The following FARP1 variants were observed in gnomAD, a reference collection of about 807,000 sequenced individuals.
FARP1 encodes FERM, ARHGEF and pleckstrin domain-containing protein 1.
A neutral mutation model predicts 128.8 loss-of-function variants in FARP1; 52 were observed. That is an observed-to-expected ratio of 0.40 (90% CI 0.32 to 0.51). FARP1 has a LOEUF of 0.51. FARP1 is among the 20% of genes least tolerant of loss of function. FARP1 has a pLI of 0.45. For synonymous variants in FARP1, 580 were observed against 551.8 expected, an observed-to-expected ratio of 1.05 and a Z score of -0.72; for missense variants, 1,333 against 1,367.9, an observed-to-expected ratio of 0.97 and a Z score of 0.40.
chr13:98,421,122 T>C (rs1030217595), intron 16 of FARP1, among the ~76,000 whole-genome samples: 13 of 152,344 alleles, frequency 8.5e-5, no homozygotes, highest in African/African-American at 3.1e-4. Flanking sequence ...AATTAGGGAT[T>C]TGCATCTTCC....
chr13:98,210,916 A>T (rs1880666031), intron 1 of FARP1, among the ~76,000 whole-genome samples: 1 of 152,152 alleles, frequency 6.6e-6, no homozygotes, highest in African/African-American at 2.4e-5. Flanking sequence ...TTTCCACAGA[A>T]GTAGATTTTA....
intron 3 of FARP1, among the ~76,000 whole-genome samples, chr13:98,350,336 T>G (rs79649016): frequency 0.037 from 5,569 of 152,244 alleles, 360 homozygotes; most frequent in African/African-American, 0.13. Context: ...ATATTTGTAT[T>G]GCAGTTTTAA....
At chr13:98,356,148 C>T (rs1176406519) in intron 3 of FARP1, among the ~76,000 whole-genome samples, 1 of 152,174 alleles carries the variant, frequency 6.6e-6, no homozygotes, top group Non-Finnish European at 1.5e-5. Context: ...TTTCTGCCTA[C>T]ATACTAATAT....
chr13:98,437,557 G>A (rs1892323387), intron 19 of FARP1, among the ~76,000 whole-genome samples: 2 of 152,176 alleles, frequency 1.3e-5, no homozygotes, highest in Non-Finnish European at 2.9e-5. Context: ...TGTCTGTGCT[G>A]TGTGCCCAGG....
At chr13:98,341,818 G>A (rs558732241) in intron 2 of FARP1, among the ~76,000 whole-genome samples, 2 of 152,276 alleles carry the variant, frequency 1.3e-5, no homozygotes, top group East Asian at 1.9e-4. Context: ...AGGGTAGAAC[G>A]TGGGTTCTTA....
intron 16 of FARP1, among the ~76,000 whole-genome samples, chr13:98,413,155 A>G (rs371721789): frequency 2.0e-5 from 3 of 152,288 alleles, no homozygotes; most frequent in East Asian, 1.9e-4. Context: ...TACATTTTTT[A>G]TACCTGGAGG....
rs1288527336 is a variant in FARP1, at chr13:98,246,330, C to T, written c.171+32917C>T. Among the ~76,000 whole-genome samples the T allele has an allele frequency of 1.8e-4, 7 of 39,882 alleles. No individual in the cohort carries two copies. In the South Asian group the frequency reaches 8.3e-3, roughly 47 times the overall value. The allele number at this position is 39,882 out of a possible 152,430, so 26.2% of individuals were successfully genotyped here. ...CAGGATGGTCTCGATCTCCTGACCT[C>T]GTGATCCCCGCCTCGGCCTCCCAAA... On this transcript the variant is annotated intron_variant, in intron 2 of 26. Transcript: ENST00000319562.
intron 26 of FARP1, 86 bp from the exon 27 acceptor site, chr13:98,448,150 C>T (rs2139190016): frequency 1.7e-6 from 2 of 1,178,698 alleles, no homozygotes; most frequent in East Asian, 2.3e-5. Context: ...CCTGACTTCA[C>T]CTTGTGTTTC....
intron 13 of FARP1, chr13:98,396,729 T>C (rs1890563847): frequency 5.4e-6 from 2 of 370,020 alleles, no homozygotes; most frequent in Admixed American, 9.2e-5. Flanking sequence ...CAAGTCCTAA[T>C]GACAAGTTCT....
rs1311365373 is a variant in FARP1 at position 98,389,994 on chromosome 13, G to T, written c.893G>T (p.Ser298Ile). 1 of 1,614,188 alleles carries T rather than the reference G, an allele frequency of 6.2e-7. No individual in the cohort carries two copies. The highest frequency in any genetic ancestry group is 1.3e-5 in the African/African-American group (1 of 75,052). ...YQDTLEFLMA[S>I]RDFCKSFWKI... ...GATACCTTGGAATTCCTGATGGCCA[G>T]TCGGGATTTCTGCAAGTCCTTCTGG... Residue 298 changes from serine (S) to isoleucine (I), a missense_variant, in exon 10 of 27, where the codon AGT becomes ATT. By Grantham distance (142) the Ser-to-Ile change is moderately radical. Around this residue, in one of 2 missense-constraint regions of FARP1, gnomAD observed 324 missense variants for 398.1 expected, o/e 0.81. Coordinates refer to ENST00000319562, the MANE Select transcript of FARP1 (RefSeq NM_005766.4).
chr13:98,161,681 G>A (rs1199521288), intron 1 of FARP1, among the ~76,000 whole-genome samples: 1 of 152,136 alleles, frequency 6.6e-6, no homozygotes, highest in Non-Finnish European at 1.5e-5. Flanking sequence ...CCCAGAATGT[G>A]TATAGAAGGC....
chr13:98,154,302 C>T (rs945790573), intron 1 of FARP1, among the ~76,000 whole-genome samples: 1 of 152,152 alleles, frequency 6.6e-6, no homozygotes, highest in Admixed American at 6.5e-5. Context: ...GAAGTGAAAT[C>T]CTTGTCAGCA....
At chr13:98,383,423 C>T (rs754768583) in intron 6 of FARP1, among the ~76,000 whole-genome samples, 71 of 152,128 alleles carry the variant, frequency 4.7e-4, no homozygotes, top group Non-Finnish European at 5.9e-4. Flanking sequence ...TCCAGTGCAC[C>T]GGCTGCTGCC....
intron 3 of FARP1, among the ~76,000 whole-genome samples, chr13:98,358,048 A>T (rs1443208902): frequency 2.0e-5 from 3 of 150,202 alleles, no homozygotes; most frequent in Non-Finnish European, 4.4e-5. Flanking sequence ...AGCACTAGGC[A>T]CTGTTACCTC....
intron 2 of FARP1, among the ~76,000 whole-genome samples, chr13:98,217,079 T>A (rs1881103753): frequency 6.6e-6 from 1 of 152,114 alleles, no homozygotes; most frequent in African/African-American, 2.4e-5. Flanking sequence ...TGTCCCCTCC[T>A]CGTGACCCGG....
Position 98,446,130 on chromosome 13 carries a change from C to G in FARP1, c.2829C>G (p.Phe943Leu). Residue 943 changes from phenylalanine (F) to leucine (L), a missense_variant, in exon 25 of 27, where the codon TTC (phenylalanine) becomes TTG (leucine). Physicochemically the swap from Phe to Leu is conservative, Grantham distance 22 (BLOSUM62 0). This residue lies in a region of FARP1 where 1,009 missense variants were observed against 969.8 expected (regional missense o/e 1.04). Coordinates refer to ENST00000319562, the MANE Select transcript of FARP1 (RefSeq NM_005766.4). ...TGTCTGGAAACCTGCTGAGGAAATT[C>G]AAAAACAGCAACGGGTGGCAGAAGC... is the stretch of plus-strand genomic sequence containing the variant. Reference protein sequence around the residue: ...NQLSGNLLRKFKNSNGWQKLW... With the variant: ...NQLSGNLLRKLKNSNGWQKLW... 1 of 1,614,008 alleles carries G rather than the reference C, an allele frequency of 6.2e-7. No individual in the cohort carries two copies.
At chr13:98,323,377 A>G (rs955202057) in intron 2 of FARP1, among the ~76,000 whole-genome samples, 2 of 149,488 alleles carry the variant, frequency 1.3e-5, no homozygotes, top group Non-Finnish European at 3.0e-5. Context: ...GTAATGAGAA[A>G]TTCACATGGC....
intron 1 of FARP1, among the ~76,000 whole-genome samples, chr13:98,200,649 C>G (rs1478235408): frequency 6.6e-6 from 1 of 152,106 alleles, no homozygotes; most frequent in Non-Finnish European, 1.5e-5. Flanking sequence ...AAAGTGATGT[C>G]AGGCTCCCAG....
At position 98,453,398 on chromosome 13, in the gene FARP1, TACACAAAA is replaced by T; in HGVS notation, c.*5084_*5091del. 1.6e-6 allele frequency: 1 copy of T among 611,522 alleles called. No homozygotes were observed. Among genetic ancestry groups the T allele is most frequent in the Non-Finnish European group, 2.7e-6 (1 of 363,670 alleles). 37.9% of individuals were successfully genotyped at this position (611,522 alleles called of 1,614,324 possible). A position where few individuals can be genotyped will look rare whatever the true frequency, so the allele number is the denominator to read the frequency against. ...TAAAGACTGAGAAGATCATGATTCT[TACACAAAA>T]ACTCCAGAGCATGTCACCAAAAACC... On this transcript the variant is annotated 3_prime_UTR_variant, in exon 27 of 27. Coordinates refer to ENST00000319562, the MANE Select transcript of FARP1 (RefSeq NM_005766.4).
Sources: gnomAD v4.1 joint callset for allele counts (sites outside exome capture counted in the v4.1 genomes callset) on GRCh38, gnomAD v4.1.1 for gene constraint, gnomAD v4.1.1 regional missense constraint, MANE v1.5 for transcripts, NCBI Gene and HGNC (gene_info 2026-07-23, HGNC 2026-07-21) for gene names.